The following MID1 variants were observed in gnomAD, a reference collection of about 807,000 sequenced individuals.
MID1 encodes E3 ubiquitin-protein ligase Midline-1.
Under a neutral mutation model 40.4 loss-of-function variants are expected in MID1, and 7 were observed. The ratio of observed to expected loss-of-function variants is 0.17; its 90% CI spans 0.10 to 0.33. The LOEUF (loss-of-function observed/expected upper bound fraction) is 0.33. Ranked by LOEUF, MID1 falls within the 10% of genes least tolerant of loss-of-function variation. The pLI is 1.00. For missense variants in MID1, 367 were observed against 558.5 expected, an observed-to-expected ratio of 0.66 and a Z score of 3.46; for synonymous variants, 229 against 221.2, an observed-to-expected ratio of 1.04 and a Z score of -0.31.
intron 4 of MID1, among the ~76,000 whole-genome samples, chrX:10,491,954 G>A (rs1331312325): frequency 1.8e-5 from 2 of 111,940 alleles, no homozygotes; most frequent in Non-Finnish European, 3.8e-5. Flanking sequence ...AAAAGAATGC[G>A]TTTTATGGCA....
rs751192605 is a variant in MID1, at chrX:10,469,464, C to G, written c.1285+233G>C. 4.6e-6 allele frequency: 5 copies of G among 1,095,224 alleles called. No individual in the cohort carries two copies. In the African/African-American group the frequency reaches 9.4e-5, roughly 21 times the overall value. 90.3% of individuals were successfully genotyped at this position (1,095,224 alleles called of 1,213,427 possible). A position where few individuals can be genotyped will look rare whatever the true frequency, so the allele number is the denominator to read the frequency against. Reference sequence around the variant, plus strand: ...TATATATTTGTTTCTGGCTTCTTTCCCTTAACATCCATGTGGTTTGCTAGA... The same window carrying G: ...TATATATTTGTTTCTGGCTTCTTTCGCTTAACATCCATGTGGTTTGCTAGA... On this transcript the variant is annotated intron_variant, in intron 7 of 9. Transcript: ENST00000317552.
rs779788735 is a variant in MID1, at chrX:10,559,601, T to C, written c.660+7287A>G. ...TTTTACAGACATCTAGTAAATTCAATATTGTTTTCTAATACAAGGCTTGGA... is the reference window on the plus strand; with the variant it reads ...TTTTACAGACATCTAGTAAATTCAACATTGTTTTCTAATACAAGGCTTGGA... On this transcript the variant is annotated intron_variant, in intron 2 of 9. Transcript: ENST00000317552. 3.6e-5 allele frequency among the ~76,000 whole-genome samples: 4 copies of C among 112,396 alleles called. No individual in the cohort carries two copies. The South Asian group carries it at 1.5e-3, about 42-fold the overall frequency.
chrX:10,557,413 A>G lies in MID1; in HGVS notation c.660+9475T>C, dbSNP rs769104057. Among the ~76,000 whole-genome samples, 15 of 111,787 alleles carry G rather than the reference A, an allele frequency of 1.3e-4. No homozygotes were observed. In the South Asian group the frequency reaches 1.5e-3, roughly 11 times the overall value. On this transcript the variant is annotated intron_variant, in intron 2 of 9. Transcript: ENST00000317552. ...AAGAGACCTCAGAAATTTCAGAACC[A>G]CTCAAAAGGCAATCCTGCCTGTGCT...
At chrX:10,545,188 C>T (rs1160527350) in intron 2 of MID1, among the ~76,000 whole-genome samples, 2 of 111,645 alleles carry the variant, frequency 1.8e-5, no homozygotes, top group African/African-American at 6.5e-5. Flanking sequence ...TCTCGAACTC[C>T]TGACCTCAGG....
chrX:10,605,915 T>C (rs1160644561), intron 1 of MID1, among the ~76,000 whole-genome samples: 1 of 111,086 alleles, frequency 9.0e-6, no homozygotes, highest in African/African-American at 3.3e-5. Context: ...ACTTTATAAA[T>C]CTCTATTCCT....
intron 2 of MID1, among the ~76,000 whole-genome samples, chrX:10,535,200 C>T (rs1933199326): frequency 9.0e-6 from 1 of 111,692 alleles, no homozygotes; most frequent in Admixed American, 9.5e-5. Context: ...AATAACTTCG[C>T]CTGAGTGAGG....
chrX:10,695,869 T>G (rs1389411646), intron 1 of MID1, among the ~76,000 whole-genome samples: 2 of 111,653 alleles, frequency 1.8e-5, no homozygotes, highest in African/African-American at 3.3e-5. Flanking sequence ...ATACACAGTA[T>G]GAAAAAAAGC....
intron 1 of MID1, among the ~76,000 whole-genome samples, chrX:10,609,711 CTTTCT>C (rs1270520758): frequency 1.6e-4 from 16 of 98,670 alleles, no homozygotes; most frequent in African/African-American, 5.9e-4. Flanking sequence ...TTCTTTCTTT[CTTTCT>C]TTTTTTTTTT....
intron 1 of MID1, among the ~76,000 whole-genome samples, chrX:10,653,460 A>T (rs1352427703): frequency 8.9e-6 from 1 of 112,375 alleles, no homozygotes; most frequent in Non-Finnish European, 1.9e-5. Context: ...TCTCCAAGAC[A>T]ATATTGTCCA....
intron 1 of MID1, among the ~76,000 whole-genome samples, chrX:10,704,825 C>T (rs2043218444): frequency 9.5e-6 from 1 of 105,140 alleles, no homozygotes; most frequent in Non-Finnish European, 1.9e-5. Flanking sequence ...AGTGCAGTGG[C>T]GCGATCTAGG....
chrX:10,590,584 T>C (rs1193808015), intron 1 of MID1, among the ~76,000 whole-genome samples: 1 of 111,845 alleles, frequency 8.9e-6, no homozygotes, highest in African/African-American at 3.3e-5. Context: ...ATTTGGAGAC[T>C]TGAGAATTCT....
chrX:10,558,378 G>A (rs1289710860), intron 2 of MID1, among the ~76,000 whole-genome samples: 3 of 112,246 alleles, frequency 2.7e-5, no homozygotes, highest in African/African-American at 9.7e-5. Context: ...AAGGTTTATT[G>A]TCTACTCAAA....
intron 1 of MID1, among the ~76,000 whole-genome samples, chrX:10,819,222 TGAGAGAGAGA>T (rs367912071): frequency 2.0e-5 from 2 of 101,888 alleles, no homozygotes; most frequent in African/African-American, 7.1e-5. Context: ...ACAGAGACAG[TGAGAGAGAGA>T]GAGAGAGAGA....
At chrX:10,728,191 C>T (rs1375745133) in intron 1 of MID1, among the ~76,000 whole-genome samples, 1 of 109,611 alleles carries the variant, frequency 9.1e-6, no homozygotes, top group Admixed American at 9.7e-5. Flanking sequence ...ATCAACTTTT[C>T]CCCCCCCAGG....
chrX:10,591,158 T>C (rs1257595533), intron 1 of MID1, among the ~76,000 whole-genome samples: 6 of 112,602 alleles, frequency 5.3e-5, no homozygotes, highest in South Asian at 3.7e-4. Context: ...GGCTAAGCTA[T>C]ATTAAAGTGA....
chrX:10,771,084 G>A (rs2043764428), intron 1 of MID1, among the ~76,000 whole-genome samples: 1 of 105,578 alleles, frequency 9.5e-6, no homozygotes, highest in South Asian at 4.4e-4. Context: ...CCAGCTGGGT[G>A]AGAGAGAGAC....
chrX:10,738,711 C>T (rs773253142), intron 1 of MID1, among the ~76,000 whole-genome samples: 1 of 110,718 alleles, frequency 9.0e-6, no homozygotes, highest in Non-Finnish European at 1.9e-5. Flanking sequence ...CAGAGACAAA[C>T]AAATGCAATC....
At chrX:10,726,329 G>A (rs1400565609) in intron 1 of MID1, among the ~76,000 whole-genome samples, 1 of 111,708 alleles carries the variant, frequency 9.0e-6, no homozygotes, top group Non-Finnish European at 1.9e-5. Context: ...TTCTCTGTGA[G>A]GGCAAAGCAG....
intron 1 of MID1, among the ~76,000 whole-genome samples, chrX:10,588,009 G>T (rs1935177826): frequency 8.9e-6 from 1 of 111,797 alleles, no homozygotes; most frequent in Non-Finnish European, 1.9e-5. Flanking sequence ...AGAGCAGGTT[G>T]GTGCTTTAAG....
Sources: allele counts gnomAD v4.1 joint callset (sites outside exome capture counted in the v4.1 genomes callset), GRCh38; gene constraint gnomAD v4.1.1; transcripts MANE v1.5; gene names NCBI Gene and HGNC (gene_info 2026-07-23, HGNC 2026-07-21).